PTPRG: variants seen among roughly 807,000 people sequenced by gnomAD.
PTPRG encodes the protein receptor-type tyrosine-protein phosphatase gamma.
A neutral mutation model predicts 165.3 loss-of-function variants in PTPRG; 102 were observed. That is an observed-to-expected ratio of 0.62 (90% CI 0.53 to 0.73). The LOEUF (loss-of-function observed/expected upper bound fraction) is 0.73, where lower values mean the gene tolerates loss of function less well. Ranked by LOEUF, PTPRG falls within the 30% of genes least tolerant of loss-of-function variation. The probability of loss-of-function intolerance (pLI) is 0.00; values close to 1 mark genes in which losing one functional copy is unlikely to be tolerated. For synonymous variants in PTPRG, 675 were observed against 669.5 expected, an observed-to-expected ratio of 1.01 and a Z score of -0.13; for missense variants, 1,866 against 1,861.4, an observed-to-expected ratio of 1.00 and a Z score of -0.05.
intron 2 of PTPRG, among the ~76,000 whole-genome samples, chr3:61,923,695 T>TA (rs2039138129): frequency 6.9e-6 from 1 of 144,552 alleles, no homozygotes; most frequent in Admixed American, 6.8e-5. Flanking sequence ...TTTTTGTATT[T>TA]TTTTTTTTTT....
At position 62,273,106 on chromosome 3, in the gene PTPRG, CACG is replaced by C; in HGVS notation, c.3318+28_3318+30del. ...GGTAAGGAGTAGCTGCCAGCGTCCT[CACG>C]ACATTCTGGCAAATGCTGTAACTGA... On this transcript the variant is annotated intron_variant, in intron 22 of 29. Transcript: ENST00000474889. This position sits in a 1 kb window ranked among gnomAD's most constrained non-coding sequence, Gnocchi z 4.1. The C allele has an allele frequency of 6.3e-7, 1 of 1,584,452 alleles. No homozygotes were observed. The highest frequency in any genetic ancestry group is 2.2e-5 in the East Asian group (1 of 44,458).
intron 2 of PTPRG, among the ~76,000 whole-genome samples, chr3:61,905,522 T>G (rs77337942): frequency 0.074 from 11,291 of 152,288 alleles, 481 homozygotes; most frequent in Middle Eastern, 0.1. Flanking sequence ...AGGTGGTCTT[T>G]TAACAGTTAG....
At chr3:61,955,117 A>G (rs1371859611) in intron 2 of PTPRG, among the ~76,000 whole-genome samples, 1 of 152,168 alleles carries the variant, frequency 6.6e-6, no homozygotes, top group Admixed American at 6.5e-5. Context: ...TGAAAACATG[A>G]TGGATAAGAA....
At position 61,738,296 on chromosome 3, in the gene PTPRG, A is replaced by ATG. The variant is rs1272645125; in HGVS notation, c.86-10581_86-10580insGT. Among the ~76,000 whole-genome samples the ATG allele has an allele frequency of 2.2e-3, 93 of 42,134 alleles. 4 individuals carry two copies. Among genetic ancestry groups the ATG allele is most frequent in the African/African-American group, 3.8e-3 (61 of 16,086 alleles). 27.6% of individuals were successfully genotyped at this position (42,134 alleles called of 152,430 possible). On this transcript the variant is annotated intron_variant, in intron 1 of 29. Transcript: ENST00000474889. The stretch of plus-strand genomic sequence containing the variant: ...TATATATACATATATATATATATAT[A>ATG]TATATATATATATATACATATATAT...
At chr3:61,846,621 G>A (rs969916660) in intron 2 of PTPRG, among the ~76,000 whole-genome samples, 1 of 151,656 alleles carries the variant, frequency 6.6e-6, no homozygotes, top group Non-Finnish European at 1.5e-5. Flanking sequence ...CAGTGAAAGA[G>A]AGACAATATT....
intron 2 of PTPRG, among the ~76,000 whole-genome samples, chr3:61,965,589 T>C (rs1397251538): frequency 2.6e-5 from 4 of 151,040 alleles, no homozygotes; most frequent in Admixed American, 6.6e-5. Flanking sequence ...TCTAAAGCAC[T>C]TGCAAAAATA....
At chr3:61,591,822 G>T (rs9826098) in intron 1 of PTPRG, among the ~76,000 whole-genome samples, 22,221 of 152,106 alleles carry the variant, frequency 0.15, 2,217 homozygotes, top group African/African-American at 0.28. Flanking sequence ...TAGATACGGT[G>T]CGATTCCTGT....
chr3:61,923,176 A>T lies in PTPRG; in HGVS notation c.191-66449A>T, dbSNP rs150872451. Among the ~76,000 whole-genome samples the T allele has an allele frequency of 4.9e-3, 747 of 152,288 alleles. 4 individuals carry two copies. The highest frequency in any genetic ancestry group is 6.5e-3 in the Non-Finnish European group (445 of 68,020). ...GTGACATACCAGCTCTGACTTTTCC[A>T]TAATTTGAGCCCATTAACTATTGTG... On this transcript the variant is annotated intron_variant, in intron 2 of 29. Coordinates refer to ENST00000474889, the MANE Select transcript of PTPRG (RefSeq NM_002841.4).
chr3:61,989,451 T>G (rs2040832970), intron 2 of PTPRG, among the ~76,000 whole-genome samples, 174 bp from the exon 3 acceptor site: 1 of 152,258 alleles, frequency 6.6e-6, no homozygotes, highest in Admixed American at 6.5e-5. Context: ...GTAACATCTT[T>G]TCTGAAATCT....
At chr3:61,977,231 G>A (rs1278145687) in intron 2 of PTPRG, among the ~76,000 whole-genome samples, 1 of 144,772 alleles carries the variant, frequency 6.9e-6, no homozygotes, top group African/African-American at 2.6e-5. Context: ...TTACCTCACC[G>A]GGAGCAAGAC....
intron 5 of PTPRG, among the ~76,000 whole-genome samples, chr3:62,120,699 G>A (rs747785125): frequency 1.9e-4 from 29 of 151,072 alleles, no homozygotes; most frequent in Admixed American, 1.4e-3. Context: ...GTAGTGAGCC[G>A]AGATAGTGCC....
intron 8 of PTPRG, among the ~76,000 whole-genome samples, chr3:62,181,552 T>G (rs565685996): frequency 6.6e-6 from 1 of 152,310 alleles, no homozygotes; most frequent in African/African-American, 2.4e-5. Flanking sequence ...GGGTTCCTTA[T>G]TAAACCTTTA....
Position 62,295,512 on chromosome 3 carries a change from A to G in PTPRG, c.*2205A>G, listed in dbSNP as rs1435474454. Reference sequence around the variant, plus strand: ...AATAGCAAGTATTCCCTCCTGTGCTATTTATAGAGGGCTCAATTCGTAGAA... The same window carrying G: ...AATAGCAAGTATTCCCTCCTGTGCTGTTTATAGAGGGCTCAATTCGTAGAA... On this transcript the variant is annotated 3_prime_UTR_variant, in exon 30 of 30. Coordinates refer to ENST00000474889, the MANE Select transcript of PTPRG (RefSeq NM_002841.4). The G allele has an allele frequency of 6.6e-6, 1 of 152,068 alleles. No individual in the cohort carries two copies. The highest frequency in any genetic ancestry group is 1.9e-4 in the East Asian group (1 of 5,188). The allele number at this position is 152,068 out of a possible 1,614,324, so 9.4% of individuals were successfully genotyped here.
intron 5 of PTPRG, among the ~76,000 whole-genome samples, chr3:62,131,041 T>G (rs1424271341): frequency 6.6e-6 from 1 of 152,188 alleles, no homozygotes; most frequent in Non-Finnish European, 1.5e-5. Flanking sequence ...GTATTCTGAA[T>G]TTACGCTCTA....
chr3:61,674,023 G>A (rs7649178), intron 1 of PTPRG, among the ~76,000 whole-genome samples: 12,806 of 136,804 alleles, frequency 0.094, 686 homozygotes, highest in Non-Finnish European at 0.12. Context: ...ACACACTGGC[G>A]TCTTTGTGGG....
At chr3:62,204,065 CAT>C (rs1355901203) in intron 12 of PTPRG, 115 bp downstream of exon 12, 1 of 1,428,034 alleles carries the variant, frequency 7.0e-7, no homozygotes, top group Non-Finnish European at 9.2e-7. Context: ...TTCTTAGAAT[CAT>C]ATATGTCTGT....
intron 5 of PTPRG, among the ~76,000 whole-genome samples, chr3:62,106,425 C>G (rs1702473396): frequency 6.6e-6 from 1 of 151,748 alleles, no homozygotes; most frequent in Non-Finnish European, 1.5e-5. Context: ...TAAATGTTGT[C>G]TGTCCTGGGG....
chr3:62,114,877 C>A (rs1436669695), intron 5 of PTPRG, among the ~76,000 whole-genome samples: 1 of 152,116 alleles, frequency 6.6e-6, no homozygotes, highest in Admixed American at 6.5e-5. Flanking sequence ...TGGCCTCAAG[C>A]AATCCTCCCA....
At chr3:61,935,109 T>A (rs2039453044) in intron 2 of PTPRG, among the ~76,000 whole-genome samples, 3 of 152,270 alleles carry the variant, frequency 2.0e-5, no homozygotes, top group Admixed American at 6.5e-5. Flanking sequence ...AGCTGCCACG[T>A]GCAGCCCCCA....
Sources: gnomAD v4.1 joint callset for allele counts (sites outside exome capture counted in the v4.1 genomes callset) on GRCh38, gnomAD v4.1.1 for gene constraint, Gnocchi (gnomAD v3.1) non-coding constraint, MANE v1.5 for transcripts, NCBI Gene and HGNC (gene_info 2026-07-23, HGNC 2026-07-21) for gene names.